The following KCNMA1 variants were observed in gnomAD, a reference collection of about 807,000 sequenced individuals.
KCNMA1 encodes potassium calcium-activated channel subfamily M alpha 1.
KCNMA1 carries 29 observed loss-of-function variants against 140.0 expected under a neutral mutation model. That is an observed-to-expected ratio of 0.21 (90% CI 0.15 to 0.28). The LOEUF (loss-of-function observed/expected upper bound fraction) is 0.28. Among genes scored for constraint, KCNMA1 ranks in the 10% least tolerant of loss-of-function variants. The probability of loss-of-function intolerance (pLI) is 1.00; values close to 1 mark genes in which losing one functional copy is unlikely to be tolerated. For missense variants in KCNMA1, 880 were observed against 1,602.2 expected, an observed-to-expected ratio of 0.55 and a Z score of 7.70; for synonymous variants, 612 against 611.9, an observed-to-expected ratio of 1.00 and a Z score of 0.00.
At chr10:76,966,822 G>A (rs116980232) in intron 20 of KCNMA1, among the ~76,000 whole-genome samples, 38 of 152,244 alleles carry the variant, frequency 2.5e-4, no homozygotes, top group Non-Finnish European at 5.0e-4. Context: ...ATCATTACAC[G>A]TGTGTCCTCA....
chr10:77,009,045 A>C (rs1328842050), intron 18 of KCNMA1, among the ~76,000 whole-genome samples: 1 of 152,060 alleles, frequency 6.6e-6, no homozygotes, highest in Non-Finnish European at 1.5e-5. Flanking sequence ...ATGGCCTTTT[A>C]ATTAGTAGGA....
chr10:77,540,149 C>A (rs886612502), intron 1 of KCNMA1, among the ~76,000 whole-genome samples: 7 of 152,280 alleles, frequency 4.6e-5, no homozygotes, highest in African/African-American at 1.2e-4. Context: ...CTGCTATGTC[C>A]CAGCCAGGTG....
chr10:77,281,687 G>A (rs1464135675), intron 2 of KCNMA1, among the ~76,000 whole-genome samples: 1 of 152,184 alleles, frequency 6.6e-6, no homozygotes, highest in African/African-American at 2.4e-5. Flanking sequence ...AGGGAGTCAA[G>A]AAGTGCCTGA....
intron 2 of KCNMA1, among the ~76,000 whole-genome samples, chr10:77,352,636 GTGTGTGTGTGTGTT>G (rs1217804207): frequency 6.6e-6 from 1 of 151,652 alleles, no homozygotes; most frequent in Non-Finnish European, 1.5e-5. Flanking sequence ...GTGTGTGTGT[GTGTGTGTGTGTGTT>G]TGTGTGTGTG....
chr10:77,497,161 C>G (rs1417486564), intron 1 of KCNMA1, among the ~76,000 whole-genome samples: 4 of 152,162 alleles, frequency 2.6e-5, no homozygotes, highest in East Asian at 1.9e-4. Flanking sequence ...CTGGAAAAAC[C>G]CTGCATTCTT....
At chr10:77,187,680 T>A (rs1256077024) in intron 3 of KCNMA1, among the ~76,000 whole-genome samples, 1 of 152,186 alleles carries the variant, frequency 6.6e-6, no homozygotes, top group East Asian at 1.9e-4. Flanking sequence ...CAGGAAACTC[T>A]GGGACAAAAG....
chr10:77,274,210 G>T (rs1276266453), intron 2 of KCNMA1, among the ~76,000 whole-genome samples: 2 of 152,056 alleles, frequency 1.3e-5, no homozygotes, highest in East Asian at 3.9e-4. Context: ...GATATGGCCA[G>T]CCAGAATCAC....
chr10:77,141,462 G>C (rs2098168139), intron 5 of KCNMA1, among the ~76,000 whole-genome samples: 1 of 152,212 alleles, frequency 6.6e-6, no homozygotes, highest in Non-Finnish European at 1.5e-5. Flanking sequence ...AGAGACCAGA[G>C]AGTTTGCTCT....
intron 1 of KCNMA1, chr10:77,635,012 C>T (rs751561066): frequency 6.6e-6 from 1 of 152,190 alleles, no homozygotes; most frequent in Non-Finnish European, 1.5e-5. Context: ...ATACTGGCCT[C>T]ACATCTTCCA....
intron 3 of KCNMA1, among the ~76,000 whole-genome samples, chr10:77,213,007 G>T (rs1474208727): frequency 6.6e-6 from 1 of 151,962 alleles, no homozygotes; most frequent in South Asian, 2.1e-4. Flanking sequence ...CGTATGCATA[G>T]TTCTGGATTT....
chr10:76,879,353 G>T (rs1484606511), intron 29 of KCNMA1, among the ~76,000 whole-genome samples: 1 of 151,988 alleles, frequency 6.6e-6, no homozygotes, highest in Non-Finnish European at 1.5e-5. Flanking sequence ...CCCCTCTCCT[G>T]CTCTGGCTCA....
chr10:77,240,999 T>G (rs1227769953), intron 3 of KCNMA1, among the ~76,000 whole-genome samples: 2 of 152,370 alleles, frequency 1.3e-5, no homozygotes, highest in Non-Finnish European at 2.9e-5. Flanking sequence ...TCTTAAAATT[T>G]TTGTTGTATC....
At chr10:77,117,330 C>A (rs1370632507) in intron 6 of KCNMA1, among the ~76,000 whole-genome samples, 1 of 151,400 alleles carries the variant, frequency 6.6e-6, no homozygotes, top group Admixed American at 6.6e-5. Context: ...GGGCAGATCA[C>A]CTGAGGTCAA....
chr10:77,436,647 C>G (rs1464540329), intron 1 of KCNMA1, among the ~76,000 whole-genome samples: 3 of 152,236 alleles, frequency 2.0e-5, no homozygotes, highest in Non-Finnish European at 4.4e-5. Flanking sequence ...CAAGGTCACA[C>G]AGGTACTACA....
chr10:76,882,276 T>G (rs1171755803), downstream of KCNMA1, among the ~76,000 whole-genome samples: 1 of 152,206 alleles, frequency 6.6e-6, no homozygotes, highest in African/African-American at 2.4e-5. Flanking sequence ...TTTGGAATAA[T>G]TGGCCCTCTT....
intron 20 of KCNMA1, among the ~76,000 whole-genome samples, chr10:76,964,502 C>T (rs1324541198): frequency 2.0e-5 from 3 of 152,194 alleles, no homozygotes; most frequent in South Asian, 4.1e-4. Context: ...AGCCTCAGTA[C>T]CATGACACCA....
chr10:77,274,962 G>A (rs761638773), intron 2 of KCNMA1, among the ~76,000 whole-genome samples: 39 of 152,190 alleles, frequency 2.6e-4, no homozygotes, highest in Non-Finnish European at 4.6e-4. Context: ...TCCACCATTC[G>A]GGCAGATTGC....
At chr10:76,898,860 A>G (rs2043800502) in intron 25 of KCNMA1, among the ~76,000 whole-genome samples, 1 of 151,898 alleles carries the variant, frequency 6.6e-6, no homozygotes, top group African/African-American at 2.4e-5. Flanking sequence ...TCTTTTTTTA[A>G]AAAAAAGCAG....
intron 3 of KCNMA1, among the ~76,000 whole-genome samples, chr10:77,202,876 G>A (rs1336872750): frequency 6.6e-6 from 1 of 152,138 alleles, no homozygotes; most frequent in Non-Finnish European, 1.5e-5. Flanking sequence ...GACTTTGCAA[G>A]GAACATGTCA....
Sources: gnomAD v4.1 joint callset for allele counts (sites outside exome capture counted in the v4.1 genomes callset) on GRCh38, gnomAD v4.1.1 for gene constraint, MANE v1.5 for transcripts, NCBI Gene and HGNC (gene_info 2026-07-23, HGNC 2026-07-21) for gene names.